SSBP2: variants seen among roughly 807,000 people sequenced by gnomAD.
SSBP2 encodes the protein single-stranded DNA-binding protein 2.
A neutral mutation model predicts 61.8 loss-of-function variants in SSBP2; 17 were observed. That is an observed-to-expected ratio of 0.28 (90% confidence interval 0.19 to 0.41). SSBP2 has a LOEUF of 0.41. Ranked by LOEUF, SSBP2 falls within the 10% of genes least tolerant of loss-of-function variation. SSBP2 has a pLI of 1.00. For missense variants in SSBP2, 310 were observed against 458.7 expected (o/e 0.68, Z 2.96); for synonymous variants, 139 against 141.3 (o/e 0.98, Z 0.12).
intron 4 of SSBP2, among the ~76,000 whole-genome samples, chr5:81,515,025 G>T (rs562877001): frequency 6.6e-6 from 1 of 151,806 alleles, no homozygotes. Context: ...TTCAATTAGC[G>T]CACATTAATG....
chr5:81,472,089 A>G (rs1765285493), intron 8 of SSBP2, among the ~76,000 whole-genome samples: 1 of 152,146 alleles, frequency 6.6e-6, no homozygotes, highest in African/African-American at 2.4e-5. Flanking sequence ...AAGCTCCTAA[A>G]GTACTGCTCA....
intron 2 of SSBP2, among the ~76,000 whole-genome samples, chr5:81,646,978 A>G (rs535625577): frequency 6.6e-6 from 1 of 152,264 alleles, no homozygotes; most frequent in Admixed American, 6.5e-5. Context: ...ACTGTAGAAC[A>G]TAAAATGTGA....
At chr5:81,596,351 A>T (rs1743748291) in intron 4 of SSBP2, among the ~76,000 whole-genome samples, 2 of 138,604 alleles carry the variant, frequency 1.4e-5, no homozygotes. Flanking sequence ...ACACAAACAA[A>T]TGGAAGAACA....
intron 5 of SSBP2, among the ~76,000 whole-genome samples, chr5:81,491,999 C>T (rs1766891292): frequency 6.6e-6 from 1 of 152,192 alleles, no homozygotes; most frequent in Non-Finnish European, 1.5e-5. Context: ...CGTTTGCATA[C>T]TAGCAACTGA....
intron 6 of SSBP2, among the ~76,000 whole-genome samples, chr5:81,485,902 C>A (rs1239703894): frequency 6.6e-6 from 1 of 152,098 alleles, no homozygotes; most frequent in Non-Finnish European, 1.5e-5. Flanking sequence ...AATTGAGAAA[C>A]CGTGTTTATG....
At chr5:81,686,868 A>AAAAAG (rs1172109276) in intron 1 of SSBP2, among the ~76,000 whole-genome samples, 682 of 59,468 alleles carry the variant, frequency 0.011, 8 homozygotes, top group East Asian at 0.019. Flanking sequence ...AAAAAAAAAA[A>AAAAAG]AAAAGAAAAG....
At chr5:81,635,741 G>A (rs1324815448) in intron 3 of SSBP2, among the ~76,000 whole-genome samples, 2 of 152,054 alleles carry the variant, frequency 1.3e-5, no homozygotes, top group South Asian at 2.1e-4. Flanking sequence ...CCGCCACCAC[G>A]CCTGGCTAAT....
chr5:81,579,718 C>G (rs907752382), intron 4 of SSBP2, among the ~76,000 whole-genome samples: 8 of 152,050 alleles, frequency 5.3e-5, no homozygotes, highest in Non-Finnish European at 1.2e-4. Context: ...ACCATGTAAT[C>G]AGATAAAAGC....
rs1761518849 is a variant in SSBP2, at chr5:81,420,318, T to C, written c.*186A>G. On this transcript the variant is annotated 3_prime_UTR_variant, in exon 17 of 17. Transcript: ENST00000320672. ...AATTCTAATATGCCACTCCGTACAG[T>C]TGTTTGAATCACATTTGGACCCGCT... 1.6e-6 allele frequency: 1 copy of C among 618,590 alleles called. No individual in the cohort carries two copies. Among genetic ancestry groups the C allele is most frequent in the Admixed American group, 2.9e-5 (1 of 34,886 alleles). The allele number at this position is 618,590 out of a possible 1,614,324, so 38.3% of individuals were successfully genotyped here. A position where few individuals can be genotyped will look rare whatever the true frequency, so the allele number is the denominator to read the frequency against.
At chr5:81,441,971 A>G (rs1763068711) in intron 13 of SSBP2, among the ~76,000 whole-genome samples, 1 of 152,172 alleles carries the variant, frequency 6.6e-6, no homozygotes, top group African/African-American at 2.4e-5. Flanking sequence ...CACTAAAACT[A>G]TAGGTATGTA....
At chr5:81,657,743 G>A (rs933132324) in intron 1 of SSBP2, among the ~76,000 whole-genome samples, 1 of 152,062 alleles carries the variant, frequency 6.6e-6, no homozygotes, top group African/African-American at 2.4e-5. Context: ...AACAAATATC[G>A]AAGGTATTCA....
chr5:81,493,251 C>CAGATAGATAGAT (rs66763000), intron 5 of SSBP2, among the ~76,000 whole-genome samples: 346 of 145,612 alleles, frequency 2.4e-3, no homozygotes, highest in South Asian at 3.8e-3. Flanking sequence ...ATGAACAAAA[C>CAGATAGATAGAT]AGATAGATAG....
intron 5 of SSBP2, among the ~76,000 whole-genome samples, chr5:81,512,155 G>A (rs762602902): frequency 6.6e-6 from 1 of 151,974 alleles, no homozygotes; most frequent in East Asian, 1.9e-4. Flanking sequence ...AAGGGAATGA[G>A]GAAAAAATAA....
intron 10 of SSBP2, among the ~76,000 whole-genome samples, chr5:81,454,196 G>T (rs945562158): frequency 6.6e-6 from 1 of 152,074 alleles, no homozygotes; most frequent in African/African-American, 2.4e-5. Flanking sequence ...AGGGTTGAGA[G>T]AAGTTTTGTA....
At chr5:81,452,657 A>C (rs1272294897) in intron 10 of SSBP2, among the ~76,000 whole-genome samples, 1 of 152,192 alleles carries the variant, frequency 6.6e-6, no homozygotes, top group Non-Finnish European at 1.5e-5. Flanking sequence ...GATAATTCCT[A>C]GGTTTTCAAC....
chr5:81,571,297 CTTTCT>C (rs1773821027), intron 4 of SSBP2, among the ~76,000 whole-genome samples: 1 of 152,044 alleles, frequency 6.6e-6, no homozygotes, highest in South Asian at 2.1e-4. Context: ...TTCATTTTCT[CTTTCT>C]TTTCTTTATT....
At chr5:81,527,325 G>T (rs929046985) in intron 4 of SSBP2, among the ~76,000 whole-genome samples, 5 of 152,092 alleles carry the variant, frequency 3.3e-5, no homozygotes, top group Admixed American at 6.6e-5. Context: ...AACTTGGGCA[G>T]TGGTGGAGAA....
intron 15 of SSBP2, among the ~76,000 whole-genome samples, chr5:81,434,620 G>C (rs1430253378): frequency 1.2e-4 from 10 of 84,674 alleles, no homozygotes; most frequent in Non-Finnish European, 2.0e-4. Context: ...CAACAAGAGC[G>C]AAACTCTTGA....
At chr5:81,623,876 A>G (rs1746878170) in intron 3 of SSBP2, among the ~76,000 whole-genome samples, 1 of 152,218 alleles carries the variant, frequency 6.6e-6, no homozygotes, top group African/African-American at 2.4e-5. Flanking sequence ...TAGAGATTAT[A>G]AAACAAGTGA....
Sources: gnomAD v4.1 joint callset for allele counts (sites outside exome capture counted in the v4.1 genomes callset) on GRCh38, gnomAD v4.1.1 for gene constraint, MANE v1.5 for transcripts, NCBI Gene and HGNC (gene_info 2026-07-23, HGNC 2026-07-21) for gene names.